ITPR1: variants seen among roughly 807,000 people sequenced by gnomAD.
ITPR1 encodes inositol 1,4,5-trisphosphate-gated calcium channel ITPR1.
In ITPR1, 96 loss-of-function variants were observed where a neutral mutation model predicts 318.4. The ratio of observed to expected loss-of-function variants is 0.30; its 90% confidence interval spans 0.26 to 0.36. The LOEUF is 0.36. Ranked by LOEUF, ITPR1 falls within the 10% of genes least tolerant of loss-of-function variation. ITPR1 has a pLI of 1.00. For synonymous variants in ITPR1, 1,312 were observed against 1,289.9 expected, an observed-to-expected ratio of 1.02 and a Z score of -0.37; for missense variants, 2,440 against 3,460.2, an observed-to-expected ratio of 0.71 and a Z score of 7.40.
chr3:4,781,087 T>C (rs2046807192), intron 49 of ITPR1, among the ~76,000 whole-genome samples: 1 of 152,204 alleles, frequency 6.6e-6, no homozygotes, highest in Non-Finnish European at 1.5e-5. Context: ...GCATGTAACA[T>C]GTTGTCTGCT....
intron 2 of ITPR1, among the ~76,000 whole-genome samples, chr3:4,499,365 T>C (rs1010360103): frequency 6.6e-6 from 1 of 152,196 alleles, no homozygotes; most frequent in Non-Finnish European, 1.5e-5. Flanking sequence ...GTAAATTACC[T>C]TTTGTACATC....
chr3:4,612,060 G>GA (rs2092154396), intron 4 of ITPR1, among the ~76,000 whole-genome samples: 1 of 110,160 alleles, frequency 9.1e-6, no homozygotes, highest in Non-Finnish European at 1.8e-5. Flanking sequence ...AGTGTATCAG[G>GA]CCCTTTTTTT....
At chr3:4,550,377 G>A (rs985420999) in intron 4 of ITPR1, among the ~76,000 whole-genome samples, 2 of 152,162 alleles carry the variant, frequency 1.3e-5, no homozygotes, top group African/African-American at 4.8e-5. Flanking sequence ...CCACAGACGC[G>A]CTGCCATCTA....
At chr3:4,604,585 C>G (rs2091556330) in intron 4 of ITPR1, among the ~76,000 whole-genome samples, 2 of 152,086 alleles carry the variant, frequency 1.3e-5, no homozygotes, top group African/African-American at 4.8e-5. Context: ...AATTTGGCAT[C>G]AGTTTGCCTG....
Position 4,693,681 on chromosome 3 carries a change from C to T in ITPR1, c.4221C>T (p.Asn1407=), listed in dbSNP as rs2094513789. The T allele has an allele frequency of 6.8e-6, 11 of 1,613,976 alleles. No individual in the cohort carries two copies. The African/African-American group carries it at 1.1e-4, about 16-fold the overall frequency. The change falls in exon 33 of 62, where the codon AAC becomes AAT. Residue 1407 remains asparagine (N), a synonymous_variant. Coordinates refer to ENST00000649015, the MANE Select transcript of ITPR1 (RefSeq NM_001378452.1). ...ATGTCTACACAGAGATCAAGTGCAA[C>T]TCCCTGCTCCCGCTGGATGACATCG... ...GKNVYTEIKC[N]SLLPLDDIVR... is the part of the protein sequence containing the mutation.
At chr3:4,812,367 T>G (rs2048993997) in intron 56 of ITPR1, among the ~76,000 whole-genome samples, 1 of 152,170 alleles carries the variant, frequency 6.6e-6, no homozygotes, top group Non-Finnish European at 1.5e-5. Context: ...AAAAAGCCCA[T>G]ATACATATAT....
At chr3:4,613,086 G>A (rs146797260) in intron 4 of ITPR1, among the ~76,000 whole-genome samples, 13 of 152,274 alleles carry the variant, frequency 8.5e-5, no homozygotes, top group African/African-American at 2.6e-4. Context: ...GCTTTTATAC[G>A]TTTTAGAGAG....
Position 4,684,325 on chromosome 3 carries a change from C to T in ITPR1, c.3543C>T (p.Tyr1181=), listed in dbSNP as rs1234374619. 1 of 1,612,774 alleles carries T rather than the reference C, an allele frequency of 6.2e-7. No homozygotes were observed. The highest frequency in any genetic ancestry group is 2.2e-5 in the East Asian group (1 of 44,856). Residue 1181 remains tyrosine, a synonymous_variant, in exon 29 of 62, where the codon TAC becomes TAT. Transcript: ENST00000649015. The part of the protein sequence containing the change: ...KPQKHESTSS[Y]NYRVVKEILI... ...AAAAGCATGAAAGCACCAGCAGCTA[C>T]AACTACAGAGTGGTCAAAGAGGTAA...
intron 10 of ITPR1, among the ~76,000 whole-genome samples, chr3:4,647,265 A>G (rs745569173): frequency 1.3e-5 from 2 of 152,138 alleles, no homozygotes; most frequent in African/African-American, 4.8e-5. Context: ...ACTCCATCAT[A>G]TGGATACACC....
At chr3:4,655,971 T>G (rs1247101053) in intron 12 of ITPR1, among the ~76,000 whole-genome samples, 1 of 152,164 alleles carries the variant, frequency 6.6e-6, no homozygotes, top group Non-Finnish European at 1.5e-5. Flanking sequence ...CGAATTTTTT[T>G]GAGTTGATTG....
chr3:4,670,636 G>A (rs2094056506), intron 19 of ITPR1, 93 bp from the exon 20 acceptor site: 1 of 924,774 alleles, frequency 1.1e-6, no homozygotes, highest in Non-Finnish European at 1.7e-6. Context: ...AAAACAAAAA[G>A]TGTCTTTCCA....
At chr3:4,812,483 C>G (rs1033977493) in intron 56 of ITPR1, among the ~76,000 whole-genome samples, 1 of 152,106 alleles carries the variant, frequency 6.6e-6, no homozygotes, top group African/African-American at 2.4e-5. Flanking sequence ...TTACACATAG[C>G]AAGAACAGAA....
intron 2 of ITPR1, among the ~76,000 whole-genome samples, chr3:4,512,254 C>T (rs894787236): frequency 6.6e-6 from 1 of 152,162 alleles, no homozygotes. Flanking sequence ...GCATGAGCCA[C>T]CGTGCCTGGT....
At chr3:4,719,171 G>T (rs1335987075) in intron 40 of ITPR1, among the ~76,000 whole-genome samples, 1 of 152,164 alleles carries the variant, frequency 6.6e-6, no homozygotes, top group African/African-American at 2.4e-5. Context: ...TATACTCTAG[G>T]AAATAGAATA....
At chr3:4,730,507 G>T (rs1171079800) in intron 42 of ITPR1, among the ~76,000 whole-genome samples, 1 of 151,290 alleles carries the variant, frequency 6.6e-6, no homozygotes, top group Non-Finnish European at 1.5e-5. Flanking sequence ...TAACTGCTAG[G>T]GTTTTTCTGT....
intron 4 of ITPR1, among the ~76,000 whole-genome samples, chr3:4,609,446 C>G (rs1412450679): frequency 1.3e-5 from 2 of 152,036 alleles, no homozygotes; most frequent in Non-Finnish European, 2.9e-5. Context: ...CCTGATTCGT[C>G]TAATTAGTTG....
intron 60 of ITPR1, among the ~76,000 whole-genome samples, chr3:4,823,330 A>T (rs1418214746): frequency 6.6e-6 from 1 of 152,228 alleles, no homozygotes; most frequent in Non-Finnish European, 1.5e-5. Context: ...TTTGAGCAGC[A>T]TTAAGAAGGA....
At chr3:4,740,579 G>T (rs965490183) in intron 44 of ITPR1, among the ~76,000 whole-genome samples, 1 of 152,178 alleles carries the variant, frequency 6.6e-6, no homozygotes, top group Non-Finnish European at 1.5e-5. Flanking sequence ...GCCCTGAAAT[G>T]CCTGGAAGCC....
At chr3:4,564,487 T>G (rs1212770506) in intron 4 of ITPR1, among the ~76,000 whole-genome samples, 1 of 152,236 alleles carries the variant, frequency 6.6e-6, no homozygotes. Context: ...ACAACTGTAA[T>G]GAACGAATTA....
Sources: gnomAD v4.1 joint callset for allele counts (sites outside exome capture counted in the v4.1 genomes callset) on GRCh38, gnomAD v4.1.1 for gene constraint, MANE v1.5 for transcripts, NCBI Gene and HGNC (gene_info 2026-07-23, HGNC 2026-07-21) for gene names.